IFNAR2: variants seen among roughly 807,000 people sequenced by gnomAD.
IFNAR2 encodes the protein interferon alpha and beta receptor subunit 2, also known as interferon alpha/beta receptor 2.
A neutral mutation model predicts 49.4 loss-of-function variants in IFNAR2; 30 were observed. The observed-to-expected ratio is 0.61, with a 90% CI of 0.45 to 0.82. The LOEUF (loss-of-function observed/expected upper bound fraction) is 0.82, where lower values mean the gene tolerates loss of function less well. IFNAR2 is among the 40% of genes least tolerant of loss of function. The pLI is 0.00. For missense variants in IFNAR2, 600 were observed against 622.7 expected (o/e 0.96, Z 0.39); for synonymous variants, 224 against 234.5 (o/e 0.96, Z 0.41).
At chr21:33,240,496 T>C (rs1290272045) in intron 1 of IFNAR2, among the ~76,000 whole-genome samples, 3 of 152,202 alleles carry the variant, frequency 2.0e-5, no homozygotes, top group South Asian at 2.1e-4. Context: ...AGATATGGAA[T>C]CAACCTAAGT....
In IFNAR2 at chr21:33,243,720, AGATGTTTTTT is replaced by A. The variant is rs1987174786; in HGVS notation, c.97+8_97+17del. The A allele has an allele frequency of 6.2e-7, 1 of 1,610,848 alleles. No individual in the cohort carries two copies. Among genetic ancestry groups the A allele is most frequent in the Admixed American group, 1.7e-5 (1 of 60,000 alleles). On this transcript the variant is annotated splice_region_variant and intron_variant, in intron 3 of 8. Coordinates refer to ENST00000342136, the MANE Select transcript of IFNAR2 (RefSeq NM_001289125.3). ...TATTTCATATGATTCGCCTGGTAAGAGATGTTTTTTGGCTTCACTAAATTTTGTATAAGAG... is the reference window on the plus strand; with the variant it reads ...TATTTCATATGATTCGCCTGGTAAGAGGCTTCACTAAATTTTGTATAAGAG...
rs1988896964 is a variant in IFNAR2, at chr21:33,265,471, A to G, written c.*1971A>G. On this transcript the variant is annotated 3_prime_UTR_variant, in exon 9 of 9. Coordinates refer to ENST00000342136, the MANE Select transcript of IFNAR2 (RefSeq NM_001289125.3). ...TTAATCTAATGAAATTCCATAGGAA[A>G]GAGGCCTTTTGTATATTGAATCAAT... The G allele has an allele frequency of 1.9e-5, 3 of 154,718 alleles. No individual in the cohort carries two copies. The highest frequency in any genetic ancestry group is 1.9e-4 in the Admixed American group (3 of 15,804). 9.6% of individuals were successfully genotyped at this position (154,718 alleles called of 1,614,324 possible).
chr21:33,256,714 T>C (rs1779619171), intron 7 of IFNAR2, among the ~76,000 whole-genome samples: 1 of 152,208 alleles, frequency 6.6e-6, no homozygotes, highest in Non-Finnish European at 1.5e-5. Flanking sequence ...ATTGGGGGCC[T>C]GTTATGAGCC....
chr21:33,239,025 G>A (rs770503452), intron 1 of IFNAR2, among the ~76,000 whole-genome samples: 17 of 152,184 alleles, frequency 1.1e-4, no homozygotes, highest in Non-Finnish European at 4.4e-5. Flanking sequence ...GTAGGGAAAC[G>A]AAAATTCTCA....
intron 6 of IFNAR2, chr21:33,251,908 C>G (rs1403826333): frequency 8.0e-6 from 2 of 250,518 alleles, no homozygotes; most frequent in East Asian, 3.6e-4. Flanking sequence ...CATGGTGAAA[C>G]CCCATCTCTA....
intron 7 of IFNAR2, among the ~76,000 whole-genome samples, chr21:33,257,779 C>G (rs1343818051): frequency 6.6e-6 from 1 of 152,242 alleles, no homozygotes; most frequent in Non-Finnish European, 1.5e-5. Context: ...TCAGCAGACA[C>G]GTGCGGCAGC....
chr21:33,244,840 A>C, intron 3 of IFNAR2, 111 bp from the exon 4 acceptor site: 1 of 963,654 alleles, frequency 1.0e-6, no homozygotes, highest in Non-Finnish European at 1.6e-6. Flanking sequence ...GGCTCTCTGG[A>C]GAGGTTATCT....
At chr21:33,242,319 A>G (rs1337985415) in intron 2 of IFNAR2, among the ~76,000 whole-genome samples, 1 of 152,216 alleles carries the variant, frequency 6.6e-6, no homozygotes, top group Non-Finnish European at 1.5e-5. Context: ...AAGTTGATTA[A>G]TTAGCAACAT....
intron 8 of IFNAR2, among the ~76,000 whole-genome samples, chr21:33,261,823 C>T (rs910216102): frequency 6.6e-6 from 1 of 152,110 alleles, no homozygotes; most frequent in African/African-American, 2.4e-5. Flanking sequence ...CTGCAGTGAG[C>T]TGTGATTGCG....
intron 8 of IFNAR2, among the ~76,000 whole-genome samples, chr21:33,260,997 A>G (rs1417340132): frequency 2.4e-5 from 3 of 125,628 alleles, no homozygotes; most frequent in Non-Finnish European, 5.0e-5. Flanking sequence ...TGCAGTTGTA[A>G]GTGTATCTGT....
At chr21:33,239,293 G>A (rs1324474890) in intron 1 of IFNAR2, among the ~76,000 whole-genome samples, 1 of 152,220 alleles carries the variant, frequency 6.6e-6, no homozygotes, top group East Asian at 1.9e-4. Context: ...GGGACACCGT[G>A]AGTGATATTT....
At chr21:33,245,599 T>C (rs926336709) in intron 4 of IFNAR2, among the ~76,000 whole-genome samples, 1 of 152,244 alleles carries the variant, frequency 6.6e-6, no homozygotes, top group Non-Finnish European at 1.5e-5. Flanking sequence ...GCCCCTAAGC[T>C]AATGCCTCTG....
chr21:33,235,799 G>C (rs17860143), intron 1 of IFNAR2, among the ~76,000 whole-genome samples: 1 of 151,974 alleles, frequency 6.6e-6, no homozygotes. Flanking sequence ...GGTGGCGGGC[G>C]CCTGTAGTCC....
At chr21:33,232,720 C>T (rs1346609154) in intron 1 of IFNAR2, among the ~76,000 whole-genome samples, 2 of 150,284 alleles carry the variant, frequency 1.3e-5, no homozygotes, top group Admixed American at 6.6e-5. Context: ...CACAAAGGAA[C>T]AGTGGGCCCT....
intron 1 of IFNAR2, among the ~76,000 whole-genome samples, chr21:33,241,592 G>GA (rs149871066): frequency 2.6e-5 from 4 of 151,492 alleles, no homozygotes; most frequent in Non-Finnish European, 5.9e-5. Flanking sequence ...ATTCACAAAA[G>GA]AAAAAAAAGT....
chr21:33,239,100 C>G (rs1986712038), intron 1 of IFNAR2, among the ~76,000 whole-genome samples: 1 of 152,136 alleles, frequency 6.6e-6, no homozygotes, highest in African/African-American at 2.4e-5. Context: ...AGTTTCTATC[C>G]AAATTACAGA....
intron 6 of IFNAR2, 138 bp downstream of exon 6, chr21:33,248,992 A>G (rs570041614): frequency 1.1e-5 from 7 of 643,634 alleles, no homozygotes; most frequent in Non-Finnish European, 1.9e-5. Flanking sequence ...GACTTAGGGA[A>G]GAAGTCACTA....
intron 1 of IFNAR2, among the ~76,000 whole-genome samples, chr21:33,237,503 C>A (rs1986571464): frequency 6.6e-6 from 1 of 152,158 alleles, no homozygotes; most frequent in Non-Finnish European, 1.5e-5. Flanking sequence ...CCACTGCACT[C>A]CAGCCTGGGT....
intron 7 of IFNAR2, among the ~76,000 whole-genome samples, chr21:33,253,294 G>A (rs974186849): frequency 2.6e-5 from 4 of 152,186 alleles, no homozygotes; most frequent in South Asian, 2.1e-4. Flanking sequence ...CAGGGTGTAC[G>A]AGAAAATCAC....
Sources: gnomAD v4.1 joint callset for allele counts (sites outside exome capture counted in the v4.1 genomes callset) on GRCh38, gnomAD v4.1.1 for gene constraint, MANE v1.5 for transcripts, NCBI Gene and HGNC (gene_info 2026-07-23, HGNC 2026-07-21) for gene names.